The following DNAH9 variants were observed in gnomAD, a reference collection of about 807,000 sequenced individuals.
The protein encoded by DNAH9 is dynein axonemal heavy chain 9.
A neutral mutation model predicts 471.6 loss-of-function variants in DNAH9; 345 were observed. That is an observed-to-expected ratio of 0.73 (90% CI 0.67 to 0.80). DNAH9 has a LOEUF of 0.80. Ranked by LOEUF, DNAH9 falls within the 30% of genes least tolerant of loss-of-function variation. The pLI, the probability that DNAH9 is intolerant of heterozygous loss-of-function variation, is 0.00. For missense variants in DNAH9, 5,407 were observed against 5,609.2 expected (o/e 0.96, Z 1.15); for synonymous variants, 2,093 against 2,123.6 (o/e 0.99, Z 0.40).
chr17:11,876,509 T>G (rs1037999339), intron 53 of DNAH9, among the ~76,000 whole-genome samples: 1 of 152,116 alleles, frequency 6.6e-6, no homozygotes, highest in African/African-American at 2.4e-5. Context: ...TGCCACAACA[T>G]GGATGAATCT....
chr17:11,827,513 G>A (rs1157444780), intron 48 of DNAH9, among the ~76,000 whole-genome samples: 1 of 152,130 alleles, frequency 6.6e-6, no homozygotes, highest in African/African-American at 2.4e-5. Flanking sequence ...TCCCACAAGT[G>A]CAGTGCCGAG....
At chr17:11,678,974 C>A (rs548541979) in intron 17 of DNAH9, among the ~76,000 whole-genome samples, 1 of 152,282 alleles carries the variant, frequency 6.6e-6, no homozygotes, top group East Asian at 1.9e-4. Flanking sequence ...TATCATACAG[C>A]AGTCTAATCC....
At chr17:11,874,527 A>G (rs72815420) in intron 52 of DNAH9, among the ~76,000 whole-genome samples, 14,536 of 152,026 alleles carry the variant, frequency 0.096, 1,190 homozygotes, top group East Asian at 0.44. Context: ...CGGTTGGTAC[A>G]GACAGGAGCA....
chr17:11,644,757 T>C, intron 11 of DNAH9, 58 bp downstream of exon 11: 2 of 1,233,010 alleles, frequency 1.6e-6, no homozygotes, highest in Non-Finnish European at 2.4e-6. Context: ...ATGCTGCCTT[T>C]TGCAGCTCCG....
At chr17:11,674,505 A>G (rs1047311809) in intron 17 of DNAH9, among the ~76,000 whole-genome samples, 1 of 152,110 alleles carries the variant, frequency 6.6e-6, no homozygotes, top group African/African-American at 2.4e-5. Flanking sequence ...TTCTCTGCCT[A>G]TTCATATCTG....
At chr17:11,753,018 C>A (rs1395156451) in intron 33 of DNAH9, 58 bp downstream of exon 33, 21 of 1,407,434 alleles carry the variant, frequency 1.5e-5, no homozygotes, top group Non-Finnish European at 1.9e-5. Context: ...ACCAGTCACC[C>A]AGTGTGGCAG....
In DNAH9 at chr17:11,617,412, T is replaced by C; in HGVS notation, c.906T>C (p.Ala302=). 6.2e-7 allele frequency: 1 copy of C among 1,612,454 alleles called. No individual in the cohort carries two copies. The highest frequency in any genetic ancestry group is 8.5e-7 in the Non-Finnish European group (1 of 1,178,596). ...FKAMYRDVVA[A]LAEAQDIHVH... ...CTGACCATCTCCAATTCCTTCCAGCTCTAGCAGAGGCACAGGACATCCATG... is the reference window on the plus strand; with the variant it reads ...CTGACCATCTCCAATTCCTTCCAGCCCTAGCAGAGGCACAGGACATCCATG... Residue 302 remains alanine (A), a splice_region_variant and synonymous_variant, in exon 5 of 69, where the codon GCT becomes GCC. Transcript: ENST00000262442.
chr17:11,905,953 T>C, intron 61 of DNAH9, 144 bp downstream of exon 61: 1 of 1,167,012 alleles, frequency 8.6e-7, no homozygotes, highest in Non-Finnish European at 1.1e-6. Context: ...ATTGCTGAAA[T>C]AAAATCAGAA....
chr17:11,966,043 T>A (rs1976687825), intron 68 of DNAH9, among the ~76,000 whole-genome samples: 1 of 152,128 alleles, frequency 6.6e-6, no homozygotes, highest in African/African-American at 2.4e-5. Context: ...AAAGACTATT[T>A]GAAGAGATAA....
chr17:11,744,875 C>T lies in DNAH9; in HGVS notation c.6190C>T (p.Arg2064Trp), dbSNP rs375918058. ...ATCCCTGAAGAGAGGAGACCCTGAC[C>T]GGCCTGAGGACCAGGTCCTGATGCG... Reference protein sequence around the residue: ...AGSLKRGDPDRPEDQVLMRSL... With the variant: ...AGSLKRGDPDWPEDQVLMRSL... The change falls in exon 31 of 69, where the codon CGG (arginine) becomes TGG (tryptophan). Residue 2064 changes from arginine (R) to tryptophan (W), a missense_variant. Coordinates refer to ENST00000262442, the MANE Select transcript of DNAH9 (RefSeq NM_001372.4). 1.9e-5 allele frequency: 31 copies of T among 1,614,044 alleles called. No individual in the cohort carries two copies. Among genetic ancestry groups the T allele is most frequent in the Middle Eastern group, 1.6e-4 (1 of 6,084 alleles).
chr17:11,749,827 C>G (rs1403966938), intron 32 of DNAH9, among the ~76,000 whole-genome samples: 1 of 152,082 alleles, frequency 6.6e-6, no homozygotes, highest in Non-Finnish European at 1.5e-5. Flanking sequence ...TTCTGTTTGA[C>G]TCACCTGTTT....
chr17:11,951,874 G>A (rs1000952324), intron 67 of DNAH9, among the ~76,000 whole-genome samples: 2 of 145,366 alleles, frequency 1.4e-5, no homozygotes, highest in African/African-American at 5.1e-5. Flanking sequence ...AGTGAGCTGA[G>A]ATCACACCAC....
In DNAH9 at chr17:11,724,855, A is replaced by G. The variant is rs1181746019; in HGVS notation, c.5710-2963A>G. On this transcript the variant is annotated intron_variant, in intron 27 of 68. Coordinates refer to ENST00000262442, the MANE Select transcript of DNAH9 (RefSeq NM_001372.4). The stretch of plus-strand genomic sequence containing the variant: ...TTCGATTATTATTACATTGTAATAT[A>G]CAATGAAATAATTATACAACTCACC... Among the ~76,000 whole-genome samples, 3 of 152,332 alleles carry G rather than the reference A, an allele frequency of 2.0e-5. No individual in the cohort carries two copies. The East Asian group carries it at 5.8e-4, about 29-fold the overall frequency.
intron 52 of DNAH9, 92 bp downstream of exon 52, chr17:11,871,878 C>T: frequency 7.5e-7 from 1 of 1,336,010 alleles, no homozygotes; most frequent in Non-Finnish European, 1.0e-6. Flanking sequence ...CTGGTGTCCT[C>T]CTGCACACTC....
intron 62 of DNAH9, among the ~76,000 whole-genome samples, chr17:11,927,782 C>T (rs538637756): frequency 3.9e-5 from 6 of 152,252 alleles, no homozygotes; most frequent in African/African-American, 1.4e-4. Flanking sequence ...ATTTCCCAAC[C>T]CAAGCCCATC....
chr17:11,918,971 C>T (rs766771742), intron 61 of DNAH9, among the ~76,000 whole-genome samples: 16 of 151,296 alleles, frequency 1.1e-4, no homozygotes, highest in Admixed American at 3.3e-4. Context: ...GGGTGACAAG[C>T]GAGAAACTCC....
At chr17:11,866,938 C>T (rs988069050) in intron 50 of DNAH9, among the ~76,000 whole-genome samples, 1 of 152,242 alleles carries the variant, frequency 6.6e-6, no homozygotes, top group Non-Finnish European at 1.5e-5. Flanking sequence ...GTTTCTTTGA[C>T]TAGGAAAGGG....
chr17:11,617,338 C>T lies in DNAH9; in HGVS notation c.905-73C>T. 2.8e-6 allele frequency: 3 copies of T among 1,064,472 alleles called. No individual in the cohort carries two copies. In the South Asian group the frequency reaches 4.5e-5, roughly 16 times the overall value. The allele number at this position is 1,064,472 out of a possible 1,614,324, so 65.9% of individuals were successfully genotyped here. A position where few individuals can be genotyped will look rare whatever the true frequency, so the allele number is the denominator to read the frequency against. ...TGTTGTTTTGCAGGTCTTTTACTTC[C>T]CAGGGACTAGGGCTCCACCAGGTGG... On this transcript the variant is annotated intron_variant, in intron 4 of 68. Coordinates refer to ENST00000262442, the MANE Select transcript of DNAH9 (RefSeq NM_001372.4).
At chr17:11,732,027 G>A (rs2075278778) in intron 28 of DNAH9, among the ~76,000 whole-genome samples, 1 of 152,126 alleles carries the variant, frequency 6.6e-6, no homozygotes, top group Non-Finnish European at 1.5e-5. Context: ...TCTTCTCTAT[G>A]CCCTTCACTC....
Sources: allele counts gnomAD v4.1 joint callset (sites outside exome capture counted in the v4.1 genomes callset), GRCh38; gene constraint gnomAD v4.1.1; transcripts MANE v1.5; gene names NCBI Gene and HGNC (gene_info 2026-07-23, HGNC 2026-07-21).